The following PLCXD3 variants were observed in gnomAD, a reference collection of about 807,000 sequenced individuals.
PLCXD3 encodes the protein PI-PLC X domain-containing protein 3.
PLCXD3 carries 19 observed loss-of-function variants against 25.5 expected under a neutral mutation model. The ratio of observed to expected loss-of-function variants is 0.75; its 90% CI spans 0.52 to 1.09. PLCXD3 has a LOEUF of 1.09. Ranked by LOEUF, PLCXD3 falls within the 50% of genes least tolerant of loss-of-function variation. PLCXD3 has a pLI of 0.00. For missense variants in PLCXD3, 411 were observed against 388.1 expected, an observed-to-expected ratio of 1.06 and a Z score of -0.50; for synonymous variants, 174 against 137.6, an observed-to-expected ratio of 1.26 and a Z score of -1.85.
chr5:41,349,984 A>G (rs17264066), intron 2 of PLCXD3, among the ~76,000 whole-genome samples: 6,263 of 151,332 alleles, frequency 0.041, 218 homozygotes, highest in Non-Finnish European at 0.061. Flanking sequence ...GTAGCCAGCT[A>G]TTCACTGTGG....
chr5:41,369,657 T>C (rs1345008712), intron 2 of PLCXD3, among the ~76,000 whole-genome samples: 1 of 152,090 alleles, frequency 6.6e-6, no homozygotes, highest in Non-Finnish European at 1.5e-5. Context: ...ATTTTTTTAG[T>C]TTCGTAGACA....
intron 1 of PLCXD3, among the ~76,000 whole-genome samples, chr5:41,500,930 T>C (rs1469466635): frequency 1.3e-5 from 2 of 151,776 alleles, no homozygotes; most frequent in African/African-American, 4.8e-5. Context: ...AAAGAAGACA[T>C]GAAATAGCTA....
intron 1 of PLCXD3, among the ~76,000 whole-genome samples, chr5:41,492,581 G>A (rs1242844699): frequency 3.9e-5 from 6 of 152,152 alleles, no homozygotes; most frequent in Non-Finnish European, 7.3e-5. Context: ...CCAATCAGAC[G>A]TAGATTTGAT....
At chr5:41,332,662 C>G (rs1196070488) in intron 2 of PLCXD3, among the ~76,000 whole-genome samples, 1 of 152,014 alleles carries the variant, frequency 6.6e-6, no homozygotes, top group African/African-American at 2.4e-5. Flanking sequence ...TATTGCGGCA[C>G]TATTCACAAT....
intron 1 of PLCXD3, among the ~76,000 whole-genome samples, chr5:41,501,073 T>C (rs1748940576): frequency 6.6e-6 from 1 of 152,018 alleles, no homozygotes; most frequent in South Asian, 2.1e-4. Flanking sequence ...AGCAAGGATG[T>C]ATAGAAATTG....
chr5:41,469,003 A>C (rs1017754843), intron 1 of PLCXD3, among the ~76,000 whole-genome samples: 1 of 152,192 alleles, frequency 6.6e-6, no homozygotes, highest in African/African-American at 2.4e-5. Context: ...GAATGATGTC[A>C]GCTACAGGTT....
chr5:41,394,709 A>G (rs1375488203), intron 1 of PLCXD3, among the ~76,000 whole-genome samples: 1 of 152,202 alleles, frequency 6.6e-6, no homozygotes, highest in Non-Finnish European at 1.5e-5. Context: ...AAACTAAAAG[A>G]AGAGACAAAG....
intron 2 of PLCXD3, among the ~76,000 whole-genome samples, chr5:41,320,035 A>G (rs1283335052): frequency 1.3e-5 from 2 of 152,160 alleles, no homozygotes; most frequent in Admixed American, 6.5e-5. Flanking sequence ...AGACACATAC[A>G]ACCTACCAAG....
chr5:41,351,409 G>T lies in PLCXD3; in HGVS notation c.812+30417C>A, dbSNP rs556410566. ...TTGTATTCCCAGACCTGGCACAGGG[G>T]CTGAGCACATGGTAGGCTTCGAGGC... is the stretch of plus-strand genomic sequence containing the variant. On this transcript the variant is annotated intron_variant, in intron 2 of 2. Transcript: ENST00000377801. Among the ~76,000 whole-genome samples, 171 of 152,302 alleles carry T rather than the reference G, an allele frequency of 1.1e-3. 1 individual carries two copies. The highest frequency in any genetic ancestry group is 2.4e-3 in the Admixed American group (36 of 15,302).
At chr5:41,488,645 A>G (rs1479908410) in intron 1 of PLCXD3, among the ~76,000 whole-genome samples, 1 of 146,012 alleles carries the variant, frequency 6.8e-6, no homozygotes, top group African/African-American at 2.7e-5. Context: ...CTGGTATCTC[A>G]TTGTGGTTTT....
chr5:41,354,115 A>G (rs1744550659), intron 2 of PLCXD3, among the ~76,000 whole-genome samples: 1 of 152,184 alleles, frequency 6.6e-6, no homozygotes, highest in Non-Finnish European at 1.5e-5. Context: ...GATGATTATC[A>G]GAGTTCCAGC....
chr5:41,439,522 G>T (rs1747331469), intron 1 of PLCXD3, among the ~76,000 whole-genome samples: 1 of 151,754 alleles, frequency 6.6e-6, no homozygotes, highest in African/African-American at 2.4e-5. Context: ...CCTGTTGTCT[G>T]GAATGCGGGT....
At chr5:41,429,900 A>ACC (rs1048538690) in intron 1 of PLCXD3, among the ~76,000 whole-genome samples, 2 of 152,220 alleles carry the variant, frequency 1.3e-5, no homozygotes, top group African/African-American at 2.4e-5. Flanking sequence ...CAATTAAAAT[A>ACC]TTATATTTTT....
chr5:41,506,866 G>A (rs948124947), intron 1 of PLCXD3, among the ~76,000 whole-genome samples: 5 of 152,156 alleles, frequency 3.3e-5, no homozygotes, highest in African/African-American at 9.7e-5. Flanking sequence ...ACAATTCCCT[G>A]TTGAAGAAAA....
chr5:41,491,076 C>T (rs1748657279), intron 1 of PLCXD3, among the ~76,000 whole-genome samples: 1 of 152,152 alleles, frequency 6.6e-6, no homozygotes, highest in Non-Finnish European at 1.5e-5. Flanking sequence ...GCATTTAGTG[C>T]TATAAATTTC....
At position 41,307,787 on chromosome 5, in the gene PLCXD3, A is replaced by G. The variant is rs1743036624; in HGVS notation, c.*5830T>C. Reference sequence around the variant, plus strand: ...AAGATGTGAATGGGGGAAATAATGAATTCGTTTGTTATCTCTCTGAAAGAA... The same window carrying G: ...AAGATGTGAATGGGGGAAATAATGAGTTCGTTTGTTATCTCTCTGAAAGAA... On this transcript the variant is annotated 3_prime_UTR_variant, in exon 3 of 3. Transcript: ENST00000377801. The G allele has an allele frequency of 6.6e-6, 1 of 152,150 alleles. No homozygotes were observed. The highest frequency in any genetic ancestry group is 1.5e-5 in the Non-Finnish European group (1 of 68,024). 9.4% of individuals were successfully genotyped at this position (152,150 alleles called of 1,614,324 possible). A position where few individuals can be genotyped will look rare whatever the true frequency, so the allele number is the denominator to read the frequency against.
chr5:41,440,249 T>TTTTTTG lies in PLCXD3; in HGVS notation c.104-57716_104-57715insCAAAAA, dbSNP rs751131624. On this transcript the variant is annotated intron_variant, in intron 1 of 2. Transcript: ENST00000377801. ...TTTTTTTTTTTTTTTTTTTTTTTTT[T>TTTTTTG]TTAGTCAGAGTCTCACTGTGTCACC... is the stretch of plus-strand genomic sequence containing the variant. Among the ~76,000 whole-genome samples the TTTTTTG allele has an allele frequency of 7.2e-4, 72 of 100,382 alleles. 4 individuals are homozygous for TTTTTTG. Among genetic ancestry groups the TTTTTTG allele is most frequent in the African/African-American group, 2.7e-3 (70 of 25,858 alleles). The allele number at this position is 100,382 out of a possible 152,430, so 65.9% of individuals were successfully genotyped here.
chr5:41,380,964 C>G (rs1745440079), intron 2 of PLCXD3, among the ~76,000 whole-genome samples: 1 of 152,104 alleles, frequency 6.6e-6, no homozygotes, highest in Non-Finnish European at 1.5e-5. Flanking sequence ...ATGAAGTGAC[C>G]ACTTTCTCAG....
In PLCXD3 at chr5:41,415,884, T is replaced by G. The variant is rs1252234045; in HGVS notation, c.104-33350A>C. ...ATTCAAGGAGAGTTTATAATGGAACTGTGTGGATAGGATGTAGGGAAACTA... is the reference window on the plus strand; with the variant it reads ...ATTCAAGGAGAGTTTATAATGGAACGGTGTGGATAGGATGTAGGGAAACTA... On this transcript the variant is annotated intron_variant, in intron 1 of 2. Coordinates refer to ENST00000377801, the MANE Select transcript of PLCXD3 (RefSeq NM_001005473.3). Among the ~76,000 whole-genome samples, 3 of 152,268 alleles carry G rather than the reference T, an allele frequency of 2.0e-5. No individual in the cohort carries two copies. The East Asian group carries it at 5.8e-4, about 29-fold the overall frequency.
Sources: allele counts gnomAD v4.1 joint callset (sites outside exome capture counted in the v4.1 genomes callset), GRCh38; gene constraint gnomAD v4.1.1; transcripts MANE v1.5; gene names NCBI Gene and HGNC (gene_info 2026-07-23, HGNC 2026-07-21).